The following WDFY4 variants were observed in gnomAD, a reference collection of about 807,000 sequenced individuals.
WDFY4 encodes WD repeat- and FYVE domain-containing protein 4.
In WDFY4, 169 loss-of-function variants were observed where a neutral mutation model predicts 351.9. The ratio of observed to expected loss-of-function variants is 0.48; its 90% CI spans 0.42 to 0.55. The LOEUF is 0.55. WDFY4 is among the 20% of genes least tolerant of loss of function. The pLI is 0.00. For missense variants in WDFY4, 3,803 were observed against 3,935.6 expected (o/e 0.97, Z 0.90); for synonymous variants, 1,622 against 1,574.6 (o/e 1.03, Z -0.71).
Position 48,969,107 on chromosome 10 carries a change from C to G in WDFY4, c.8628C>G (p.Ala2876=). Residue 2876 remains alanine, a synonymous_variant, in exon 56 of 62, where the codon GCC becomes GCG. Transcript: ENST00000325239. ...FSLGSESPKG[A]IGHIVSTEKT... ...TAGGCTCAGAGTCCCCCAAAGGGGCCATTGGCCACATTGTCTCTACTGAGA... is the reference window on the plus strand; with the variant it reads ...TAGGCTCAGAGTCCCCCAAAGGGGCGATTGGCCACATTGTCTCTACTGAGA... The G allele has an allele frequency of 1.9e-6, 3 of 1,551,778 alleles. No individual in the cohort carries two copies. Among genetic ancestry groups the G allele is most frequent in the Non-Finnish European group, 2.6e-6 (3 of 1,146,972 alleles).
At chr10:48,965,774 A>ATATCAGTTAGATATAGATTATATCTG (rs141756149) in intron 54 of WDFY4, among the ~76,000 whole-genome samples, 134,925 of 141,430 alleles carry the variant, frequency 0.95, 65,703 homozygotes, top group Non-Finnish European at 0.99. Flanking sequence ...ACTTATATCT[A>ATATCAGTTAGATATAGATTATATCTG]TATCAGTTAG....
intron 2 of WDFY4, among the ~76,000 whole-genome samples, chr10:48,713,508 C>G (rs2063820861): frequency 6.6e-6 from 1 of 152,238 alleles, no homozygotes; most frequent in South Asian, 2.1e-4. Flanking sequence ...ATCCCAGCCC[C>G]ACTGCCTCTT....
rs1354993993 is a variant in WDFY4 at position 48,775,794 on chromosome 10, C to A, written c.2851C>A (p.Pro951Thr). The A allele has an allele frequency of 6.4e-7, 1 of 1,551,606 alleles. No individual in the cohort carries two copies. Among genetic ancestry groups the A allele is most frequent in the South Asian group, 1.2e-5 (1 of 84,042 alleles). ...LDSSHTHRGN[P>T]GCSGSQTAQG... ...TTCATCTCACACACACAGAGGCAAC[C>A]CTGGGTGCTCAGGTGAGGACAGTGG... The change falls in exon 15 of 62, where the codon CCT (proline) becomes ACT (threonine). Residue 951 changes from proline (P) to threonine (T), a missense_variant. Pro to Thr is a conservative substitution (Grantham distance 38, BLOSUM62 -1). Transcript: ENST00000325239.
chr10:48,865,638 G>A (rs192577474), intron 39 of WDFY4, among the ~76,000 whole-genome samples: 53 of 152,324 alleles, frequency 3.5e-4, no homozygotes, highest in African/African-American at 9.1e-4. Context: ...AAAAACTGCC[G>A]TGAATTCTTC....
intron 47 of WDFY4, among the ~76,000 whole-genome samples, chr10:48,935,903 C>CTTTTTTTTTTTTAGTTT (rs11455025): frequency 6.7e-6 from 1 of 149,320 alleles, no homozygotes; most frequent in African/African-American, 2.5e-5. Context: ...CATCTATGGT[C>CTTTTTTTTTTTTAGTTT]TTTTTTTTTT....
intron 56 of WDFY4, among the ~76,000 whole-genome samples, chr10:48,969,680 C>T (rs1358247199): frequency 6.6e-6 from 1 of 152,128 alleles, no homozygotes; most frequent in Non-Finnish European, 1.5e-5. Context: ...ATGCAGTCAC[C>T]TCTGCCTTCT....
At chr10:48,943,819 TCCTGA>T (rs1840907878) in intron 49 of WDFY4, among the ~76,000 whole-genome samples, 1 of 152,138 alleles carries the variant, frequency 6.6e-6, no homozygotes, top group Non-Finnish European at 1.5e-5. Flanking sequence ...GGTCTCGAAC[TCCTGA>T]CCTCAAATGA....
chr10:48,980,110 C>A (rs1249983059), intron 60 of WDFY4: 1 of 152,140 alleles, frequency 6.6e-6, no homozygotes. Flanking sequence ...TCTCTGCCAC[C>A]CCATTGGACT....
In WDFY4 at chr10:48,970,178, C is replaced by A; in HGVS notation, c.8817C>A (p.Cys2939Ter). The stretch of plus-strand genomic sequence containing the variant: ...TGGCTGCCTGGGGCCGCTGTCTGTG[C>A]GCCGTGTGCCCATCCCCAACAACGA... The part of the protein sequence containing the change: ...ENLAAWGRCL[C>*]AVCPSPTTIV... The change falls in exon 57 of 62, where the codon TGC (cysteine) becomes TGA (stop). Residue 2939 changes from cysteine to a stop codon, truncating the protein, a stop_gained. Transcript: ENST00000325239. LOFTEE classifies it high-confidence loss of function. 1.3e-6 allele frequency: 2 copies of A among 1,551,706 alleles called. No homozygotes were observed. The highest frequency in any genetic ancestry group is 2.4e-5 in the East Asian group (1 of 40,912).
intron 9 of WDFY4, among the ~76,000 whole-genome samples, chr10:48,732,908 G>A (rs1400122319): frequency 2.0e-5 from 3 of 152,238 alleles, no homozygotes; most frequent in East Asian, 3.8e-4. Flanking sequence ...TGCGAAGGAT[G>A]AGCCCAAGGG....
intron 31 of WDFY4, 29 bp downstream of exon 31, chr10:48,814,111 G>A (rs771948214): frequency 2.5e-5 from 37 of 1,504,100 alleles, no homozygotes; most frequent in Middle Eastern, 1.7e-4. Flanking sequence ...ATGCTGCCCC[G>A]AGGAGGTTCT....
intron 12 of WDFY4, among the ~76,000 whole-genome samples, chr10:48,747,030 T>A (rs1214174037): frequency 6.6e-6 from 1 of 152,248 alleles, no homozygotes; most frequent in Non-Finnish European, 1.5e-5. Flanking sequence ...CTCTAGTACA[T>A]CTGTTAAACT....
In WDFY4 at chr10:48,923,506, A is replaced by ATATGTATG. The variant is rs1554812694; in HGVS notation, c.7587-18297_7587-18296insGTATGTAT. On this transcript the variant is annotated intron_variant, in intron 47 of 61. Coordinates refer to ENST00000325239, the MANE Select transcript of WDFY4 (RefSeq NM_001394531.1). ...AACAAATAGTTTTTAGTATATATAT[A>ATATGTATG]TATATATGTCCCAAATACCGCATAG... Among the ~76,000 whole-genome samples the ATATGTATG allele has an allele frequency of 8.7e-5, 10 of 115,114 alleles. 4 individuals carry two copies. In the South Asian group the frequency reaches 1.7e-3, roughly 19 times the overall value. 75.5% of individuals were successfully genotyped at this position (115,114 alleles called of 152,430 possible).
intron 1 of WDFY4, among the ~76,000 whole-genome samples, chr10:48,703,405 A>T (rs2063534883): frequency 6.6e-6 from 1 of 152,230 alleles, no homozygotes; most frequent in African/African-American, 2.4e-5. Context: ...CATTATGGAG[A>T]TGGCAAACAG....
intron 43 of WDFY4, among the ~76,000 whole-genome samples, chr10:48,883,751 A>G (rs1328033930): frequency 2.6e-5 from 4 of 152,326 alleles, no homozygotes; most frequent in Non-Finnish European, 5.9e-5. Flanking sequence ...CTGGAGCTGC[A>G]GGCATCATCC....
intron 19 of WDFY4, among the ~76,000 whole-genome samples, chr10:48,781,374 G>A (rs2928393): frequency 0.53 from 81,169 of 151,740 alleles, 24,710 homozygotes; most frequent in Non-Finnish European, 0.69. Context: ...TCAGCTCTCC[G>A]CAACCACTGC....
intron 50 of WDFY4, 50 bp downstream of exon 50, chr10:48,946,207 C>A: frequency 7.3e-7 from 1 of 1,369,288 alleles, no homozygotes; most frequent in Non-Finnish European, 1.0e-6. Flanking sequence ...ATCGGGATGC[C>A]CTAAAATGAT....
At chr10:48,702,216 C>A (rs1415753674) in intron 1 of WDFY4, among the ~76,000 whole-genome samples, 1 of 151,980 alleles carries the variant, frequency 6.6e-6, no homozygotes, top group East Asian at 1.9e-4. Flanking sequence ...CAAATACTAG[C>A]AGTATTTGAT....
intron 39 of WDFY4, among the ~76,000 whole-genome samples, chr10:48,846,161 G>A (rs929612725): frequency 6.6e-6 from 1 of 152,236 alleles, no homozygotes; most frequent in Non-Finnish European, 1.5e-5. Context: ...AAGAAGCCTT[G>A]TGTAGCTGAC....
Sources: allele counts gnomAD v4.1 joint callset (sites outside exome capture counted in the v4.1 genomes callset), GRCh38; gene constraint gnomAD v4.1.1; transcripts MANE v1.5; gene names NCBI Gene and HGNC (gene_info 2026-07-23, HGNC 2026-07-21).